Variants in CFAP107 observed in about 807,000 individuals in gnomAD.
CFAP107 encodes the protein cilia- and flagella-associated protein 107.
chr1:12,755,353 C>T, the CFAP107 span, among the ~76,000 whole-genome samples: 42 of 151,848 alleles, frequency 2.8e-4, no homozygotes, highest in Non-Finnish European at 4.3e-4. Context: ...TGCAGTGAGC[C>T]GAGATTGCGC....
the CFAP107 span, among the ~76,000 whole-genome samples, chr1:12,746,746 T>C: frequency 6.6e-6 from 1 of 152,120 alleles, no homozygotes; most frequent in Non-Finnish European, 1.5e-5. Context: ...CTATGACTGT[T>C]TCATACATGA....
the CFAP107 span, among the ~76,000 whole-genome samples, chr1:12,752,555 TAAAA>T: frequency 2.1e-5 from 1 of 46,662 alleles, no homozygotes; most frequent in Middle Eastern, 0.016. Flanking sequence ...CGACTCTGTC[TAAAA>T]AAAAAAAAAA....
chr1:12,751,664 T>G, the CFAP107 span, among the ~76,000 whole-genome samples: 9 of 152,146 alleles, frequency 5.9e-5, no homozygotes, highest in East Asian at 1.7e-3. Context: ...AAAACCAAAT[T>G]GGTTTTTTGA....
At chr1:12,746,240 A>C in the CFAP107 span, 21 of 481,198 alleles carry the variant, frequency 4.4e-5, no homozygotes, top group African/African-American at 4.1e-4. Flanking sequence ...ACTCTCCCTA[A>C]AGGCTGACAG....
At chr1:12,755,103 C>T in the CFAP107 span, among the ~76,000 whole-genome samples, 1 of 151,990 alleles carries the variant, frequency 6.6e-6, no homozygotes, top group Non-Finnish European at 1.5e-5. Context: ...GAATGAGGAA[C>T]AAAGAAGAGA....
the CFAP107 span, among the ~76,000 whole-genome samples, chr1:12,756,934 T>G: frequency 2.6e-5 from 4 of 152,210 alleles, no homozygotes; most frequent in Non-Finnish European, 5.9e-5. Context: ...TAGGGATCCA[T>G]GTCAGGATAA....
the CFAP107 span, among the ~76,000 whole-genome samples, chr1:12,756,704 G>C: frequency 1.3e-5 from 2 of 152,166 alleles, no homozygotes; most frequent in African/African-American, 4.8e-5. Context: ...AGACAGACAT[G>C]GATTAAGGTA....
At chr1:12,755,634 G>C in the CFAP107 span, 1 of 1,086,210 alleles carries the variant, frequency 9.2e-7, no homozygotes, top group Admixed American at 1.7e-5. Flanking sequence ...CAGGAGGTAA[G>C]GGGACCCAGC....
At chr1:12,754,291 T>G in the CFAP107 span, among the ~76,000 whole-genome samples, 4 of 152,232 alleles carry the variant, frequency 2.6e-5, no homozygotes, top group Admixed American at 2.0e-4. Flanking sequence ...CCTCACTGAT[T>G]ATTAGGGAAA....
the CFAP107 span, chr1:12,760,698 G>T: frequency 1.4e-6 from 2 of 1,475,494 alleles, no homozygotes; most frequent in Non-Finnish European, 1.8e-6. Flanking sequence ...GCCCAGTCTC[G>T]TGGCCATTGG....
chr1:12,761,875 C>T, the CFAP107 span: 2 of 152,264 alleles, frequency 1.3e-5, no homozygotes, highest in Admixed American at 6.5e-5. Flanking sequence ...GAGGGGAGAA[C>T]CTCTGGTGAG....
At chr1:12,749,660 C>T in the CFAP107 span, among the ~76,000 whole-genome samples, 1 of 152,048 alleles carries the variant, frequency 6.6e-6, no homozygotes, top group African/African-American at 2.4e-5. Context: ...GGGATTTTCT[C>T]AGCAGAAACC....
chr1:12,755,337 A>G, the CFAP107 span, among the ~76,000 whole-genome samples: 1 of 152,068 alleles, frequency 6.6e-6, no homozygotes, highest in African/African-American at 2.4e-5. Flanking sequence ...CCCGAGAGGC[A>G]GAGGTTGCAG....
chr1:12,758,823 A>C, the CFAP107 span, among the ~76,000 whole-genome samples: 1 of 152,224 alleles, frequency 6.6e-6, no homozygotes, highest in South Asian at 2.1e-4. Flanking sequence ...CCTGTGCAAG[A>C]GAAGGCAATT....
the CFAP107 span, among the ~76,000 whole-genome samples, chr1:12,752,994 A>T: frequency 6.6e-6 from 1 of 152,216 alleles, no homozygotes; most frequent in Non-Finnish European, 1.5e-5. Context: ...AAACACACAC[A>T]CATGCACCCA....
the CFAP107 span, chr1:12,746,432 T>C: frequency 6.2e-7 from 1 of 1,612,058 alleles, no homozygotes; most frequent in Non-Finnish European, 8.5e-7. Flanking sequence ...ATCCTTAACA[T>C]GTTTTTGACT....
At chr1:12,750,311 A>G in the CFAP107 span, among the ~76,000 whole-genome samples, 1 of 152,252 alleles carries the variant, frequency 6.6e-6, no homozygotes. Context: ...TAAGAGAACA[A>G]ATAAGGGGCA....
the CFAP107 span, chr1:12,763,254 A>G: frequency 6.6e-6 from 1 of 152,180 alleles, no homozygotes; most frequent in Non-Finnish European, 1.5e-5. Flanking sequence ...AATCGCGTAA[A>G]AAAACCCCAT....
the CFAP107 span, among the ~76,000 whole-genome samples, chr1:12,755,163 T>C: frequency 6.6e-6 from 1 of 151,946 alleles, no homozygotes; most frequent in Non-Finnish European, 1.5e-5. Context: ...TCCCAGCACT[T>C]TGGGAGGCCG....
Sources: gnomAD v4.1 joint callset for allele counts (sites outside exome capture counted in the v4.1 genomes callset) on GRCh38, gnomAD v4.1.1 for gene constraint, MANE v1.5 for transcripts, NCBI Gene and HGNC (gene_info 2026-07-23, HGNC 2026-07-21) for gene names.